AKR1C1: variants seen among roughly 807,000 people sequenced by gnomAD.
AKR1C1 encodes the protein aldo-keto reductase family 1 member C1, also known as 20 alpha-hydroxysteroid dehydrogenase.
AKR1C1 carries 32 observed loss-of-function variants against 40.6 expected under a neutral mutation model. The ratio of observed to expected loss-of-function variants is 0.79; its 90% confidence interval spans 0.60 to 1.06. The LOEUF (loss-of-function observed/expected upper bound fraction) is 1.06. Ranked by LOEUF, AKR1C1 falls within the 50% of genes least tolerant of loss-of-function variation. AKR1C1 has a pLI of 0.00. For missense variants in AKR1C1, 320 were observed against 363.5 expected (o/e 0.88, Z 0.97); for synonymous variants, 105 against 134.2 (o/e 0.78, Z 1.50).
At position 4,983,079 on chromosome 10, in the gene AKR1C1, G is replaced by A. The variant is rs1219928069; in HGVS notation, c.*5337G>A. 1 of 349,840 alleles carries A rather than the reference G, an allele frequency of 2.9e-6. No homozygotes were observed. Among genetic ancestry groups the A allele is most frequent in the Non-Finnish European group, 5.6e-6 (1 of 177,802 alleles). The allele number at this position is 349,840 out of a possible 1,614,324, so 21.7% of individuals were successfully genotyped here. ...TTGTGCTGAGGTGAAGCCTGGGCTG[G>A]ATGGCTGGAGGATGAAGAACTGCAC... On this transcript the variant is annotated 3_prime_UTR_variant, in exon 9 of 9. Transcript: ENST00000380872.
chr10:4,977,571 A>T (rs1373496951), intron 8 of AKR1C1, 129 bp from the exon 9 acceptor site: 5 of 882,406 alleles, frequency 5.7e-6, no homozygotes, highest in Non-Finnish European at 6.9e-6. Context: ...AGAAACACAG[A>T]TTCTAGAGCA....
chr10:4,969,607 T>G, intron 5 of AKR1C1: 1 of 1,573,072 alleles, frequency 6.4e-7, no homozygotes, highest in Non-Finnish European at 8.6e-7. Flanking sequence ...AGTTGGCTGC[T>G]CTTCTTTGGA....
intron 7 of AKR1C1, among the ~76,000 whole-genome samples, chr10:4,974,878 G>A (rs1463602047): frequency 2.6e-5 from 4 of 151,824 alleles, no homozygotes; most frequent in Non-Finnish European, 4.4e-5. Flanking sequence ...AGCTATTCTT[G>A]ACTAATGTGT....
intron 5 of AKR1C1, among the ~76,000 whole-genome samples, chr10:4,970,425 G>A (rs1836404809): frequency 6.6e-6 from 1 of 152,236 alleles, no homozygotes; most frequent in South Asian, 2.1e-4. Flanking sequence ...AGATGAGAGT[G>A]TTTTATTACA....
At chr10:4,969,399 G>T (rs796730910) in intron 5 of AKR1C1, among the ~76,000 whole-genome samples, 7 of 152,376 alleles carry the variant, frequency 4.6e-5, no homozygotes, top group African/African-American at 1.7e-4. Context: ...ATGTCTCAGT[G>T]CCTCTTGGTG....
intron 1 of AKR1C1, among the ~76,000 whole-genome samples, chr10:4,964,767 A>G (rs1319998739): frequency 6.6e-6 from 1 of 152,198 alleles, no homozygotes; most frequent in Non-Finnish European, 1.5e-5. Flanking sequence ...ATACAAATCA[A>G]TATCCTTAGA....
intron 8 of AKR1C1, among the ~76,000 whole-genome samples, 168 bp from the exon 9 acceptor site, chr10:4,977,532 G>A (rs1554770603): frequency 6.6e-6 from 1 of 152,184 alleles, no homozygotes; most frequent in Non-Finnish European, 1.5e-5. Context: ...TGAAAATACA[G>A]ATATGATAAA....
At chr10:4,976,326 T>TGTC (rs1362617094) in intron 8 of AKR1C1, among the ~76,000 whole-genome samples, 85 of 152,254 alleles carry the variant, frequency 5.6e-4, no homozygotes, top group African/African-American at 1.9e-3. Context: ...ACCTGCTCAA[T>TGTC]GTCTTACCAG....
intron 5 of AKR1C1, among the ~76,000 whole-genome samples, chr10:4,969,246 A>C (rs1397718351): frequency 6.6e-6 from 1 of 152,214 alleles, no homozygotes; most frequent in African/African-American, 2.4e-5. Flanking sequence ...AAGCTATGAA[A>C]GATGACCAGA....
Position 4,966,213 on chromosome 10 carries a change from G to T in AKR1C1, c.252+132G>T, listed in dbSNP as rs1262567441. ...TTACGATTTATTCACACTTACTCAT[G>T]TATTAAAACTAATATCAAAGGCAGG... On this transcript the variant is annotated intron_variant, in intron 2 of 8. Transcript: ENST00000380872. 2.8e-6 allele frequency: 4 copies of T among 1,448,160 alleles called. No individual in the cohort carries two copies. The African/African-American group carries it at 5.7e-5, about 21-fold the overall frequency. 89.7% of individuals were successfully genotyped at this position (1,448,160 alleles called of 1,614,324 possible).
At chr10:4,965,838 TGA>T in intron 1 of AKR1C1, 74 bp from the exon 2 acceptor site, 49 of 1,522,936 alleles carry the variant, frequency 3.2e-5, no homozygotes, top group Non-Finnish European at 4.1e-5. Context: ...CTGATTTTTG[TGA>T]ACGTCGCTAC....
chr10:4,969,025 C>A (rs955687891), intron 5 of AKR1C1, 81 bp downstream of exon 5: 25 of 1,601,806 alleles, frequency 1.6e-5, no homozygotes, highest in Non-Finnish European at 2.0e-5. Context: ...TTCATTTAGT[C>A]CCACTTATCT....
At chr10:4,965,793 C>A in intron 1 of AKR1C1, 121 bp from the exon 2 acceptor site, 1 of 1,181,418 alleles carries the variant, frequency 8.5e-7, no homozygotes, top group Non-Finnish European at 1.2e-6. Flanking sequence ...GCTCATGATT[C>A]TACATACAGA....
rs1341696808 is a variant in AKR1C1, at chr10:4,981,764, T to G, written c.*4022T>G. On this transcript the variant is annotated 3_prime_UTR_variant, in exon 9 of 9. Transcript: ENST00000380872. Reference sequence around the variant, plus strand: ...CTTTGATCCTGTGCGGACAAGTGCCTTGAGCAGAATCCACAGGGGAGAGCT... The same window carrying G: ...CTTTGATCCTGTGCGGACAAGTGCCGTGAGCAGAATCCACAGGGGAGAGCT... The G allele has an allele frequency of 6.6e-6, 1 of 151,986 alleles. No individual in the cohort carries two copies. Among genetic ancestry groups the G allele is most frequent in the Non-Finnish European group, 1.5e-5 (1 of 67,936 alleles). The allele number at this position is 151,986 out of a possible 1,614,324, so 9.4% of individuals were successfully genotyped here. A position where few individuals can be genotyped will look rare whatever the true frequency, so the allele number is the denominator to read the frequency against.
rs1212923232 is a variant in AKR1C1, at chr10:4,978,754, C to A, written c.*1012C>A. 1.3e-5 allele frequency: 2 copies of A among 152,112 alleles called. No homozygotes were observed. The highest frequency in any genetic ancestry group is 2.9e-5 in the Non-Finnish European group (2 of 68,016). The allele number at this position is 152,112 out of a possible 1,614,324, so 9.4% of individuals were successfully genotyped here. On this transcript the variant is annotated 3_prime_UTR_variant, in exon 9 of 9. Coordinates refer to ENST00000380872, the MANE Select transcript of AKR1C1 (RefSeq NM_001353.6). ...CTCAAGATTAAAATGGGAAATAATA[C>A]ATCTAATAAATCAAATGTTCCAAGA... is the stretch of plus-strand genomic sequence containing the variant.
At chr10:4,976,227 G>C (rs1378482033) in intron 8 of AKR1C1, among the ~76,000 whole-genome samples, 1 of 152,236 alleles carries the variant, frequency 6.6e-6, no homozygotes, top group Admixed American at 6.5e-5. Context: ...CCTGCTGTTT[G>C]TGCTACTGTC....
chr10:4,968,729 T>G, intron 4 of AKR1C1, 93 bp from the exon 5 acceptor site: 1 of 1,580,228 alleles, frequency 6.3e-7, no homozygotes, highest in Non-Finnish European at 8.6e-7. Context: ...CACGGCTAGC[T>G]AGTTTTATTG....
intron 7 of AKR1C1, among the ~76,000 whole-genome samples, 169 bp downstream of exon 7, chr10:4,972,918 G>A (rs1171030629): frequency 0.011 from 1,687 of 150,634 alleles, no homozygotes; most frequent in African/African-American, 0.04. Flanking sequence ...CACAGGAGAG[G>A]CAACAGAGGT....
At chr10:4,974,895 A>T (rs1423546875) in intron 7 of AKR1C1, among the ~76,000 whole-genome samples, 12 of 152,074 alleles carry the variant, frequency 7.9e-5, no homozygotes, top group Admixed American at 1.3e-4. Flanking sequence ...GTGTTATTTA[A>T]AACTTTGAAT....
Sources: allele counts gnomAD v4.1 joint callset (sites outside exome capture counted in the v4.1 genomes callset), GRCh38; gene constraint gnomAD v4.1.1; transcripts MANE v1.5; gene names NCBI Gene and HGNC (gene_info 2026-07-23, HGNC 2026-07-21).